The following DGKB variants were observed in gnomAD, a reference collection of about 807,000 sequenced individuals.
DGKB encodes the protein 90 kDa diacylglycerol kinase.
In DGKB, 67 loss-of-function variants were observed where a neutral mutation model predicts 114.3. That is an observed-to-expected ratio of 0.59 (90% CI 0.48 to 0.72). The LOEUF (loss-of-function observed/expected upper bound fraction) is 0.72, where lower values mean the gene tolerates loss of function less well. DGKB is among the 30% of genes least tolerant of loss of function. The pLI, the probability that DGKB is intolerant of heterozygous loss-of-function variation, is 0.00. For missense variants in DGKB, 907 were observed against 975.2 expected (o/e 0.93, Z 0.93); for synonymous variants, 398 against 323.1 (o/e 1.23, Z -2.49).
chr7:14,786,214 C>T (rs114384795), intron 2 of DGKB, among the ~76,000 whole-genome samples: 460 of 152,084 alleles, frequency 3.0e-3, no homozygotes, highest in African/African-American at 0.01. Context: ...TAGTTTCCTA[C>T]GAACTTGGAT....
At chr7:14,472,798 A>G (rs1781608296) in intron 21 of DGKB, among the ~76,000 whole-genome samples, 2 of 152,130 alleles carry the variant, frequency 1.3e-5, no homozygotes, top group Admixed American at 1.3e-4. Flanking sequence ...ATGACTTGTT[A>G]TGTTTTAGCA....
At chr7:14,779,630 C>A (rs963519093) in intron 2 of DGKB, among the ~76,000 whole-genome samples, 5 of 152,162 alleles carry the variant, frequency 3.3e-5, no homozygotes, top group Admixed American at 1.3e-4. Context: ...AAGGCTCCCA[C>A]AAATTCCAGA....
rs1407849467 is a variant in DGKB at position 14,338,699 on chromosome 7, T to G, written c.1938A>C (p.Val646=). ...GAGAGATGTTTATTAAATCTATCTG[T>G]ACTCCATCACACTGATCGGTAAAAA... The part of the protein sequence containing the change: ...HESVEIECDG[V]QIDLINISLE... Residue 646 remains valine, a synonymous_variant, in exon 23 of 26, where the codon GTA becomes GTC. Transcript: ENST00000402815. 1 of 1,565,344 alleles carries G rather than the reference T, an allele frequency of 6.4e-7. No individual in the cohort carries two copies. Among genetic ancestry groups the G allele is most frequent in the African/African-American group, 1.4e-5 (1 of 72,610 alleles).
chr7:14,289,646 A>T (rs1801424656), intron 23 of DGKB, among the ~76,000 whole-genome samples: 1 of 152,032 alleles, frequency 6.6e-6, no homozygotes, highest in African/African-American at 2.4e-5. Flanking sequence ...TAATACTATT[A>T]AAAAATAACC....
intron 21 of DGKB, among the ~76,000 whole-genome samples, chr7:14,395,445 T>A (rs937410606): frequency 1.3e-5 from 2 of 151,980 alleles, no homozygotes; most frequent in Non-Finnish European, 2.9e-5. Context: ...TTGATATTAT[T>A]TCCAGAAGAA....
At chr7:14,160,208 C>T (rs1783667917) in intron 25 of DGKB, among the ~76,000 whole-genome samples, 1 of 152,128 alleles carries the variant, frequency 6.6e-6, no homozygotes, top group South Asian at 2.1e-4. Flanking sequence ...CCTTTGAAAA[C>T]TGGCACAAGT....
chr7:14,335,379 G>A (rs1048015562), intron 23 of DGKB, among the ~76,000 whole-genome samples: 8 of 151,904 alleles, frequency 5.3e-5, no homozygotes, highest in African/African-American at 1.9e-4. Flanking sequence ...AGTTACATGT[G>A]TCCCCCATTT....
At chr7:14,682,934 T>C (rs763871364) in intron 10 of DGKB, 93 bp from the exon 11 acceptor site, 112 of 811,704 alleles carry the variant, frequency 1.4e-4, no homozygotes, top group Middle Eastern at 9.8e-4. Context: ...CCTCATTTCA[T>C]ATCCACTGCT....
intron 25 of DGKB, among the ~76,000 whole-genome samples, chr7:14,168,850 G>T (rs889873311): frequency 2.0e-5 from 3 of 152,170 alleles, no homozygotes; most frequent in Non-Finnish European, 4.4e-5. Context: ...GCTTCATGAG[G>T]AAATTGCTTC....
At chr7:14,760,365 T>C (rs1364158269) in intron 2 of DGKB, among the ~76,000 whole-genome samples, 6 of 152,104 alleles carry the variant, frequency 3.9e-5, no homozygotes, top group African/African-American at 1.4e-4. Flanking sequence ...AATATTGAGA[T>C]TAAATTAATC....
chr7:14,275,568 G>T (rs1798875985), intron 23 of DGKB, among the ~76,000 whole-genome samples: 1 of 152,164 alleles, frequency 6.6e-6, no homozygotes, highest in South Asian at 2.1e-4. Context: ...GTCATGTGTG[G>T]AACTTTTAAT....
intron 1 of DGKB, among the ~76,000 whole-genome samples, chr7:14,849,190 TAGC>T (rs1849022549): frequency 2.6e-5 from 4 of 152,186 alleles, no homozygotes; most frequent in South Asian, 2.1e-4. Context: ...TATCCTGAAC[TAGC>T]AATAGTAGGC....
At chr7:14,714,432 C>T (rs1022331520) in intron 6 of DGKB, among the ~76,000 whole-genome samples, 1 of 151,794 alleles carries the variant, frequency 6.6e-6, no homozygotes, top group Non-Finnish European at 1.5e-5. Flanking sequence ...TGTATGCACG[C>T]CAAGTTAAGG....
chr7:14,639,583 G>C (rs1811357875), intron 13 of DGKB, among the ~76,000 whole-genome samples: 2 of 152,128 alleles, frequency 1.3e-5, no homozygotes, highest in African/African-American at 4.8e-5. Flanking sequence ...TGACACATAG[G>C]TGAGGAAAGG....
chr7:14,312,473 A>C (rs772470266), intron 23 of DGKB, among the ~76,000 whole-genome samples: 1 of 152,250 alleles, frequency 6.6e-6, no homozygotes, highest in African/African-American at 2.4e-5. Context: ...GCTATGAATT[A>C]CAGTTTTTAA....
chr7:14,773,436 C>T (rs938294049), intron 2 of DGKB, among the ~76,000 whole-genome samples: 1 of 152,002 alleles, frequency 6.6e-6, no homozygotes, highest in Non-Finnish European at 1.5e-5. Context: ...ATATGCATTA[C>T]ACTTATTATG....
chr7:14,870,663 C>T (rs865804282), intron 1 of DGKB, among the ~76,000 whole-genome samples: 2 of 151,970 alleles, frequency 1.3e-5, no homozygotes, highest in South Asian at 2.1e-4. Context: ...GGCATGGTGG[C>T]GTGTACCTGT....
intron 5 of DGKB, chr7:14,718,915 C>T (rs939082721): frequency 4.6e-5 from 19 of 408,816 alleles, no homozygotes; most frequent in Admixed American, 3.9e-4. Flanking sequence ...CTATCAGCCA[C>T]GGATGGTATT....
chr7:14,379,424 TTC>T (rs1441188728), intron 21 of DGKB, among the ~76,000 whole-genome samples: 5 of 151,882 alleles, frequency 3.3e-5, no homozygotes, highest in Non-Finnish European at 7.4e-5. Context: ...TTTTTCCACT[TTC>T]TGTTTCTTGC....
Sources: gnomAD v4.1 joint callset for allele counts (sites outside exome capture counted in the v4.1 genomes callset) on GRCh38, gnomAD v4.1.1 for gene constraint, MANE v1.5 for transcripts, NCBI Gene and HGNC (gene_info 2026-07-23, HGNC 2026-07-21) for gene names.